AFF3: variants seen among roughly 807,000 people sequenced by gnomAD.
The protein encoded by AFF3 is AF4/FMR2 family member 3.
Under a neutral mutation model 129.7 loss-of-function variants are expected in AFF3, and 32 were observed. The observed-to-expected ratio is 0.25, with a 90% confidence interval of 0.19 to 0.33. The LOEUF (loss-of-function observed/expected upper bound fraction) is 0.33. Among genes scored for constraint, AFF3 ranks in the 10% least tolerant of loss-of-function variants. The probability of loss-of-function intolerance (pLI) is 1.00; values close to 1 mark genes in which losing one functional copy is unlikely to be tolerated. For synonymous variants in AFF3, 644 were observed against 635.4 expected, an observed-to-expected ratio of 1.01 and a Z score of -0.20; for missense variants, 1,373 against 1,592.0, an observed-to-expected ratio of 0.86 and a Z score of 2.34.
At chr2:100,079,622 C>A (rs1463296373) in intron 4 of AFF3, among the ~76,000 whole-genome samples, 1 of 152,126 alleles carries the variant, frequency 6.6e-6, no homozygotes, top group Non-Finnish European at 1.5e-5. Flanking sequence ...AAATATGAAG[C>A]AATATGATGA....
At chr2:99,604,726 C>T (rs1178416784) in intron 13 of AFF3, among the ~76,000 whole-genome samples, 1 of 152,026 alleles carries the variant, frequency 6.6e-6, no homozygotes, top group African/African-American at 2.4e-5. Flanking sequence ...CAAAAGCTTC[C>T]TTGTTAGAAG....
intron 2 of AFF3, among the ~76,000 whole-genome samples, chr2:100,124,017 TAAGAAA>T (rs1284702093): frequency 1.3e-5 from 2 of 152,020 alleles, no homozygotes; most frequent in African/African-American, 4.8e-5. Flanking sequence ...AACACAATGC[TAAGAAA>T]AAGAAACAAA....
intron 12 of AFF3, among the ~76,000 whole-genome samples, chr2:99,651,553 T>C (rs1685257429): frequency 6.6e-6 from 1 of 152,096 alleles, no homozygotes; most frequent in African/African-American, 2.4e-5. Flanking sequence ...GCGATTCTCC[T>C]GCCTCAGCCT....
chr2:99,789,623 A>G (rs1489205027), intron 8 of AFF3, among the ~76,000 whole-genome samples: 1 of 152,094 alleles, frequency 6.6e-6, no homozygotes, highest in Non-Finnish European at 1.5e-5. Flanking sequence ...CATGGATGGC[A>G]GCCCAGCCTC....
intron 8 of AFF3, among the ~76,000 whole-genome samples, chr2:99,818,890 C>T (rs1687440607): frequency 6.6e-6 from 1 of 152,130 alleles, no homozygotes; most frequent in African/African-American, 2.4e-5. Flanking sequence ...TACTTATAAA[C>T]ACAACTTACA....
rs1450190405 is a variant in AFF3 at position 99,551,225 on chromosome 2, G to T, written c.*249C>A. The T allele has an allele frequency of 1.8e-6, 1 of 565,100 alleles. No homozygotes were observed. Among genetic ancestry groups the T allele is most frequent in the Non-Finnish European group, 3.1e-6 (1 of 318,580 alleles). The allele number at this position is 565,100 out of a possible 1,614,324, so 35.0% of individuals were successfully genotyped here. On this transcript the variant is annotated 3_prime_UTR_variant, in exon 25 of 25. Transcript: ENST00000672756. ...AACCTCTGATCACTTTGTCTAGCCT[G>T]GGATTATGGAAACTAGACAAAGAAG... is the stretch of plus-strand genomic sequence containing the variant.
At chr2:99,932,629 C>A (rs1415309260) in intron 7 of AFF3, among the ~76,000 whole-genome samples, 1 of 152,184 alleles carries the variant, frequency 6.6e-6, no homozygotes, top group African/African-American at 2.4e-5. Context: ...TGGCCCCTTA[C>A]ACACTCCATT....
At chr2:99,586,570 G>A (rs754384792) in intron 16 of AFF3, among the ~76,000 whole-genome samples, 11 of 152,184 alleles carry the variant, frequency 7.2e-5, no homozygotes, top group Non-Finnish European at 1.3e-4. Context: ...CTGATGATAA[G>A]CTACTTGTTT....
chr2:100,131,425 G>A (rs1692425199), intron 1 of AFF3, among the ~76,000 whole-genome samples: 1 of 152,120 alleles, frequency 6.6e-6, no homozygotes, highest in Non-Finnish European at 1.5e-5. Context: ...AGGGATGAAT[G>A]AGTGAAAGAA....
At chr2:99,961,362 G>A (rs1363772576) in intron 7 of AFF3, among the ~76,000 whole-genome samples, 3 of 152,202 alleles carry the variant, frequency 2.0e-5, no homozygotes, top group Non-Finnish European at 4.4e-5. Context: ...AAGTCAGGCT[G>A]GAAGATGTAT....
intron 10 of AFF3, among the ~76,000 whole-genome samples, chr2:99,742,692 T>C (rs996294582): frequency 6.6e-6 from 1 of 152,134 alleles, no homozygotes; most frequent in Non-Finnish European, 1.5e-5. Context: ...CTAGCTGTCA[T>C]TTTTTTAGCC....
At chr2:100,125,055 A>G (rs1291643816) in intron 2 of AFF3, among the ~76,000 whole-genome samples, 1 of 152,242 alleles carries the variant, frequency 6.6e-6, no homozygotes, top group Non-Finnish European at 1.5e-5. Context: ...GTATCTGGAA[A>G]TGGGACATGA....
At chr2:99,834,120 A>G (rs1688691939) in intron 8 of AFF3, among the ~76,000 whole-genome samples, 1 of 152,202 alleles carries the variant, frequency 6.6e-6, no homozygotes, top group African/African-American at 2.4e-5. Flanking sequence ...ATAAACAGGT[A>G]GAAACGGGAA....
intron 2 of AFF3, among the ~76,000 whole-genome samples, chr2:100,125,109 A>G (rs1692130921): frequency 1.3e-5 from 2 of 152,208 alleles, no homozygotes; most frequent in Admixed American, 6.5e-5. Context: ...GCCATCAATA[A>G]CTTTATCTTT....
chr2:99,746,376 AGTACTAAT>A (rs1306625525), intron 9 of AFF3, among the ~76,000 whole-genome samples: 2 of 152,204 alleles, frequency 1.3e-5, no homozygotes, highest in Non-Finnish European at 2.9e-5. Context: ...TTCAAATCCA[AGTACTAAT>A]GTCTGCTTTA....
intron 7 of AFF3, among the ~76,000 whole-genome samples, chr2:99,845,797 A>T (rs1466908403): frequency 6.6e-6 from 1 of 152,120 alleles, no homozygotes; most frequent in Non-Finnish European, 1.5e-5. Flanking sequence ...TTCCTCTTGA[A>T]CATTTTCCTG....
At chr2:99,592,943 CA>C (rs57943865) in intron 15 of AFF3, among the ~76,000 whole-genome samples, 1 of 123,018 alleles carries the variant, frequency 8.1e-6, no homozygotes, top group Non-Finnish European at 1.7e-5. Context: ...CCCCCCCCCC[CA>C]AAAAAAGGGA....
intron 11 of AFF3, among the ~76,000 whole-genome samples, chr2:99,680,712 T>C (rs964917788): frequency 3.9e-5 from 6 of 152,264 alleles, no homozygotes; most frequent in Non-Finnish European, 8.8e-5. Flanking sequence ...GGTCATAACA[T>C]ACATCAGGTT....
At chr2:99,623,128 A>G (rs1682196671) in intron 13 of AFF3, among the ~76,000 whole-genome samples, 1 of 148,502 alleles carries the variant, frequency 6.7e-6, no homozygotes, top group South Asian at 2.1e-4. Context: ...GGGACCTCCA[A>G]TTTTTTTTGT....
Sources: gnomAD v4.1 joint callset for allele counts (sites outside exome capture counted in the v4.1 genomes callset) on GRCh38, gnomAD v4.1.1 for gene constraint, MANE v1.5 for transcripts, NCBI Gene and HGNC (gene_info 2026-07-23, HGNC 2026-07-21) for gene names.